The following SYNPO2 variants were observed in gnomAD, a reference collection of about 807,000 sequenced individuals.
SYNPO2 encodes synaptopodin-2.
SYNPO2 carries 56 observed loss-of-function variants against 85.0 expected under a neutral mutation model. That is an observed-to-expected ratio of 0.66 (90% CI 0.53 to 0.82). The LOEUF (loss-of-function observed/expected upper bound fraction) is 0.82, where lower values mean the gene tolerates loss of function less well. SYNPO2 is among the 40% of genes least tolerant of loss of function. SYNPO2 has a pLI of 0.00. For synonymous variants in SYNPO2, 602 were observed against 591.1 expected, an observed-to-expected ratio of 1.02 and a Z score of -0.27; for missense variants, 1,575 against 1,534.2, an observed-to-expected ratio of 1.03 and a Z score of -0.44.
intron 4 of SYNPO2, among the ~76,000 whole-genome samples, chr4:119,054,232 A>C (rs991432256): frequency 2.0e-5 from 3 of 152,226 alleles, no homozygotes; most frequent in South Asian, 2.1e-4. Flanking sequence ...CCAAAGCCCC[A>C]GAGGGAGCGT....
chr4:118,859,486 C>CA (rs1390269560), intron 1 of SYNPO2, among the ~76,000 whole-genome samples: 1 of 152,106 alleles, frequency 6.6e-6, no homozygotes, highest in Non-Finnish European at 1.5e-5. Context: ...GTCACCTTGT[C>CA]ATACTAGCAA....
chr4:118,976,189 G>A (rs1735726507), intron 1 of SYNPO2, among the ~76,000 whole-genome samples: 1 of 152,002 alleles, frequency 6.6e-6, no homozygotes, highest in East Asian at 2.0e-4. Context: ...CCCTTCTGAT[G>A]TTCAGATGTG....
chr4:118,946,751 T>C (rs1400250667), intron 1 of SYNPO2, among the ~76,000 whole-genome samples: 1 of 152,244 alleles, frequency 6.6e-6, no homozygotes, highest in Admixed American at 6.5e-5. Context: ...AATTTCACTC[T>C]AACATTTCAA....
chr4:118,917,785 TTA>T (rs1733400917), intron 1 of SYNPO2, among the ~76,000 whole-genome samples: 1 of 152,230 alleles, frequency 6.6e-6, no homozygotes, highest in South Asian at 2.1e-4. Context: ...AAGAGATTTT[TTA>T]TTATGCCATG....
In SYNPO2 at chr4:119,023,587, A is replaced by G. The variant is rs1301138454; in HGVS notation, c.257+6A>G. 2 of 1,609,496 alleles carry G rather than the reference A, an allele frequency of 1.2e-6. No individual in the cohort carries two copies. Among genetic ancestry groups the G allele is most frequent in the Non-Finnish European group, 1.7e-6 (2 of 1,177,954 alleles). ...CTCCAAATGCTCATCAAAAGGTACA[A>G]CAGATTTGCTGGAATATGTATTTTC... is the stretch of plus-strand genomic sequence containing the variant. On this transcript the variant is annotated splice_donor_region_variant and intron_variant, in intron 2 of 4. Transcript: ENST00000307142.
In SYNPO2 at chr4:118,889,054, T is replaced by C. The variant is rs752585023; in HGVS notation, c.18T>C (p.Phe6=). The change falls in exon 1 of 5, where the codon TTT becomes TTC. Residue 6 remains phenylalanine (F), a synonymous_variant. Coordinates refer to ENST00000307142, the MANE Select transcript of SYNPO2 (RefSeq NM_133477.3). ...AGGAAAACATGGGCACAGGGGATTT[T>C]ATCTGCATTTCCATGACTGGAGGGG... The part of the protein sequence containing the change: MGTGD[F]ICISMTGGAP... 2 of 1,614,212 alleles carry C rather than the reference T, an allele frequency of 1.2e-6. No individual in the cohort carries two copies. Among genetic ancestry groups the C allele is most frequent in the South Asian group, 1.1e-5 (1 of 91,082 alleles).
intron 4 of SYNPO2, among the ~76,000 whole-genome samples, chr4:119,046,555 G>A (rs1400975248): frequency 6.6e-6 from 1 of 152,262 alleles, no homozygotes; most frequent in African/African-American, 2.4e-5. Flanking sequence ...TTGAACAAAA[G>A]GTCCTGCCAG....
upstream of SYNPO2, among the ~76,000 whole-genome samples, chr4:118,886,495 A>G (rs1419887288): frequency 6.6e-6 from 1 of 152,182 alleles, no homozygotes; most frequent in Non-Finnish European, 1.5e-5. Context: ...GAGTGAGAAC[A>G]TGTGGTGTTT....
At chr4:118,896,091 C>G (rs1329025558) in intron 1 of SYNPO2, among the ~76,000 whole-genome samples, 1 of 152,182 alleles carries the variant, frequency 6.6e-6, no homozygotes, top group East Asian at 1.9e-4. Flanking sequence ...TTCTTTCCCT[C>G]TGTTAGGGGC....
In SYNPO2 at chr4:119,059,925, A is replaced by C. The variant is rs1322138612; in HGVS notation, c.*1991A>C. On this transcript the variant is annotated 3_prime_UTR_variant, in exon 5 of 5. Coordinates refer to ENST00000307142, the MANE Select transcript of SYNPO2 (RefSeq NM_133477.3). ...CCAAGAGTTTTTATAGAATCCTAAA[A>C]AATAACGCCTGATGTATAGATTAGT... is the stretch of plus-strand genomic sequence containing the variant. The C allele has an allele frequency of 6.6e-6, 1 of 152,206 alleles. No individual in the cohort carries two copies. 9.4% of individuals were successfully genotyped at this position (152,206 alleles called of 1,614,324 possible). A position where few individuals can be genotyped will look rare whatever the true frequency, so the allele number is the denominator to read the frequency against.
In SYNPO2 at chr4:118,896,319, A is replaced by G. The variant is rs189682905; in HGVS notation, c.105+7178A>G. Among the ~76,000 whole-genome samples, 4 of 152,320 alleles carry G rather than the reference A, an allele frequency of 2.6e-5. No individual in the cohort carries two copies. In the East Asian group the frequency reaches 7.7e-4, roughly 29 times the overall value. On this transcript the variant is annotated intron_variant, in intron 1 of 4. Coordinates refer to ENST00000307142, the MANE Select transcript of SYNPO2 (RefSeq NM_133477.3). ...CATCTGTAAGATAATGTGCAATGGG[A>G]GAAAGACTGAAAATGGAACCAGTCT...
In SYNPO2 at chr4:119,058,063, TA is replaced by T; in HGVS notation, c.*131del. The T allele has an allele frequency of 1.0e-6, 1 of 988,414 alleles. No individual in the cohort carries two copies. The highest frequency in any genetic ancestry group is 2.7e-5 in the East Asian group (1 of 37,092). 61.2% of individuals were successfully genotyped at this position (988,414 alleles called of 1,614,324 possible). On this transcript the variant is annotated 3_prime_UTR_variant, in exon 5 of 5. Transcript: ENST00000307142. ...GGCTTGTTCTCATAAGTCATTTATC[TA>T]AGTTTGTGTTTCTGTGTGTGTGTGT...
rs111764323 is a variant in SYNPO2, at chr4:118,856,448, A to G, written c.12+5508A>G. ...TACCAGCAAAACTTCGCACTAAGCC[A>G]TGGTTTATAGTGGAATGCACATAAA... On this transcript the variant is annotated intron_variant, in intron 1 of 4. Coordinates refer to the SYNPO2 transcript ENST00000610556. Among the ~76,000 whole-genome samples the G allele has an allele frequency of 8.1e-3, 1,238 of 152,332 alleles. 21 individuals are homozygous for G. Among genetic ancestry groups the G allele is most frequent in the African/African-American group, 0.028 (1,176 of 41,574 alleles).
chr4:118,855,270 CTG>C (rs879749965), intron 1 of SYNPO2, among the ~76,000 whole-genome samples: 3 of 152,006 alleles, frequency 2.0e-5, no homozygotes, highest in Non-Finnish European at 4.4e-5. Context: ...AAAAAATTCT[CTG>C]TGCTGAAATA....
chr4:118,871,991 C>T (rs747504798), intron 1 of SYNPO2, among the ~76,000 whole-genome samples: 7 of 152,170 alleles, frequency 4.6e-5, no homozygotes, highest in Non-Finnish European at 8.8e-5. Flanking sequence ...TTCAGTGAAA[C>T]AAATGTAGCA....
chr4:118,974,111 A>G (rs1374002182), intron 1 of SYNPO2, among the ~76,000 whole-genome samples: 2 of 152,220 alleles, frequency 1.3e-5, no homozygotes, highest in Non-Finnish European at 2.9e-5. Context: ...AAACCTGGAC[A>G]ATAATTATGT....
At position 119,054,229 on chromosome 4, in the gene SYNPO2, C is replaced by T. The variant is rs141697046; in HGVS notation, c.3253-3172C>T. On this transcript the variant is annotated intron_variant, in intron 4 of 4. Coordinates refer to ENST00000307142, the MANE Select transcript of SYNPO2 (RefSeq NM_133477.3). ...GTGGGGGTGCTTGCGACCCCAAAGC[C>T]CCAGAGGGAGCGTTACAGTGCTCTC... Among the ~76,000 whole-genome samples the T allele has an allele frequency of 4.2e-3, 642 of 152,334 alleles. 3 individuals are homozygous for T. The highest frequency in any genetic ancestry group is 0.015 in the African/African-American group (619 of 41,588).
chr4:118,963,390 GTAAT>G (rs1274310713), intron 1 of SYNPO2, among the ~76,000 whole-genome samples: 2 of 152,344 alleles, frequency 1.3e-5, no homozygotes, highest in Admixed American at 6.5e-5. Context: ...TGTATTATTA[GTAAT>G]TAATTGCTAC....
At chr4:118,932,882 A>G (rs1733978664) in intron 1 of SYNPO2, among the ~76,000 whole-genome samples, 2 of 152,294 alleles carry the variant, frequency 1.3e-5, no homozygotes, top group South Asian at 4.1e-4. Flanking sequence ...ACTTCTCTGT[A>G]GCTGTATGAA....
Sources: gnomAD v4.1 joint callset for allele counts (sites outside exome capture counted in the v4.1 genomes callset) on GRCh38, gnomAD v4.1.1 for gene constraint, MANE v1.5 for transcripts, NCBI Gene and HGNC (gene_info 2026-07-23, HGNC 2026-07-21) for gene names.